CREBRF: variants seen among roughly 807,000 people sequenced by gnomAD.
CREBRF encodes the protein UPF0474 protein C5orf41.
A neutral mutation model predicts 66.1 loss-of-function variants in CREBRF; 5 were observed. That is an observed-to-expected ratio of 0.08 (90% CI 0.04 to 0.16). CREBRF has a LOEUF of 0.16. Among genes scored for constraint, CREBRF ranks in the 10% least tolerant of loss-of-function variants. CREBRF has a pLI of 1.00. For missense variants in CREBRF, 531 were observed against 744.9 expected (o/e 0.71, Z 3.34); for synonymous variants, 229 against 264.4 (o/e 0.87, Z 1.30).
rs1308981895 is a variant in CREBRF at position 173,136,214 on chromosome 5, T to C, written c.*2469T>C. The C allele has an allele frequency of 2.0e-5, 3 of 152,388 alleles. No individual in the cohort carries two copies. The highest frequency in any genetic ancestry group is 2.9e-5 in the Non-Finnish European group (2 of 67,892). The allele number at this position is 152,388 out of a possible 1,614,324, so 9.4% of individuals were successfully genotyped here. A position where few individuals can be genotyped will look rare whatever the true frequency, so the allele number is the denominator to read the frequency against. ...GTCTGCAAACCAGAATTTGATTTTT[T>C]GGTCTTGCATTTCAAAAAAAAAAAG... On this transcript the variant is annotated 3_prime_UTR_variant, in exon 9 of 9. Coordinates refer to ENST00000296953, the MANE Select transcript of CREBRF (RefSeq NM_153607.3).
intron 4 of CREBRF, among the ~76,000 whole-genome samples, chr5:173,103,234 C>T (rs1488023751): frequency 6.6e-6 from 1 of 152,210 alleles, no homozygotes; most frequent in Non-Finnish European, 1.5e-5. Context: ...GCATTTAATT[C>T]ATTCACTTTC....
At chr5:173,060,391 C>G (rs916367418) in intron 1 of CREBRF, 1 of 151,948 alleles carries the variant, frequency 6.6e-6, no homozygotes, top group Non-Finnish European at 1.5e-5. Flanking sequence ...CCGCTATGCT[C>G]AGCTAATTTT....
At chr5:173,084,204 G>A (rs751784040) in intron 2 of CREBRF, among the ~76,000 whole-genome samples, 1 of 152,078 alleles carries the variant, frequency 6.6e-6, no homozygotes, top group Non-Finnish European at 1.5e-5. Flanking sequence ...TTCTAAACTA[G>A]ATCTAGGAAG....
intron 4 of CREBRF, among the ~76,000 whole-genome samples, chr5:173,097,534 C>T (rs72816124): frequency 0.093 from 14,196 of 152,128 alleles, 788 homozygotes; most frequent in South Asian, 0.16. Context: ...TGTGAGCCCT[C>T]GTGCCTGGCC....
At chr5:173,116,994 C>A (rs1024043686) in intron 7 of CREBRF, among the ~76,000 whole-genome samples, 2 of 152,100 alleles carry the variant, frequency 1.3e-5, no homozygotes, top group South Asian at 4.2e-4. Context: ...GAGCCTCTTT[C>A]CTGTGCTTAT....
chr5:173,103,006 T>C (rs1488651427), intron 4 of CREBRF, among the ~76,000 whole-genome samples: 2 of 152,178 alleles, frequency 1.3e-5, no homozygotes, highest in South Asian at 2.1e-4. Context: ...ACATGGTTAA[T>C]TGATCGCCAT....
At chr5:173,061,993 T>A (rs1411059085) in intron 1 of CREBRF, among the ~76,000 whole-genome samples, 2 of 152,224 alleles carry the variant, frequency 1.3e-5, no homozygotes, top group East Asian at 1.9e-4. Flanking sequence ...GAGAAACATG[T>A]GGCCTGCAAT....
At chr5:173,102,550 C>T (rs1307958734) in intron 4 of CREBRF, among the ~76,000 whole-genome samples, 1 of 152,114 alleles carries the variant, frequency 6.6e-6, no homozygotes, top group Non-Finnish European at 1.5e-5. Context: ...GGAAGCAGGC[C>T]TGGAGCCTGG....
intron 8 of CREBRF, among the ~76,000 whole-genome samples, chr5:173,128,205 A>C (rs1446511249): frequency 6.6e-6 from 1 of 152,090 alleles, no homozygotes; most frequent in African/African-American, 2.4e-5. Flanking sequence ...TTGAAATTTT[A>C]GGTTTGATTT....
intron 8 of CREBRF, among the ~76,000 whole-genome samples, chr5:173,128,905 G>T (rs548829547): frequency 7.1e-6 from 1 of 141,840 alleles, no homozygotes; most frequent in Admixed American, 7.1e-5. Flanking sequence ...CTCAGCCGCC[G>T]GAGTAGCTGG....
At chr5:173,091,436 T>G in intron 4 of CREBRF, 35 bp downstream of exon 4, 1 of 1,582,634 alleles carries the variant, frequency 6.3e-7, no homozygotes, top group Non-Finnish European at 8.6e-7. Flanking sequence ...CAGACTGACC[T>G]TTGTATTACT....
chr5:173,074,915 C>T (rs1317538850), intron 1 of CREBRF, among the ~76,000 whole-genome samples: 1 of 152,142 alleles, frequency 6.6e-6, no homozygotes, highest in Non-Finnish European at 1.5e-5. Context: ...GCCACCGTGC[C>T]TGGCCACCTC....
intron 7 of CREBRF, among the ~76,000 whole-genome samples, chr5:173,116,188 G>T (rs1309937479): frequency 6.6e-6 from 1 of 152,200 alleles, no homozygotes; most frequent in African/African-American, 2.4e-5. Context: ...ATTTCAGACT[G>T]TAGGAATCCT....
At chr5:173,059,327 A>G (rs1581650554) in intron 1 of CREBRF, among the ~76,000 whole-genome samples, 1 of 134,678 alleles carries the variant, frequency 7.4e-6, no homozygotes, top group Non-Finnish European at 1.6e-5. Flanking sequence ...TGCAGTGGGA[A>G]GATCTCGGCT....
At chr5:173,112,045 T>C (rs117700213) in intron 6 of CREBRF, among the ~76,000 whole-genome samples, 1 of 152,352 alleles carries the variant, frequency 6.6e-6, no homozygotes, top group East Asian at 1.9e-4. Context: ...CTCAGTTATT[T>C]GTTAAATGTC....
At position 173,088,255 on chromosome 5, in the gene CREBRF, C is replaced by CT. The variant is rs536962764; in HGVS notation, c.135+1658dup. Among the ~76,000 whole-genome samples, 391 of 66,864 alleles carry CT rather than the reference C, an allele frequency of 5.8e-3. 31 individuals carry two copies. The highest frequency in any genetic ancestry group is 0.022 in the East Asian group (42 of 1,934). 43.9% of individuals were successfully genotyped at this position (66,864 alleles called of 152,430 possible). A position where few individuals can be genotyped will look rare whatever the true frequency, so the allele number is the denominator to read the frequency against. ...CCAATATTGCTTCATCAAATACATT[C>CT]TTTTTTTTTTTTTTTTTTTTTTTTT... On this transcript the variant is annotated intron_variant, in intron 3 of 8. Coordinates refer to ENST00000296953, the MANE Select transcript of CREBRF (RefSeq NM_153607.3).
rs984123204 is a variant in CREBRF, at chr5:173,115,808, C to T, written c.1681+3429C>T. Among the ~76,000 whole-genome samples, 13 of 151,950 alleles carry T rather than the reference C, an allele frequency of 8.6e-5. No individual in the cohort carries two copies. The East Asian group carries it at 2.5e-3, about 30-fold the overall frequency. The stretch of plus-strand genomic sequence containing the variant: ...TGTATTTTTAGTAGAGATGGTGTTT[C>T]ACCGTATTAGCCAGGATGGTCTTGA... On this transcript the variant is annotated intron_variant, in intron 7 of 8. Transcript: ENST00000296953.
chr5:173,100,086 G>GTA (rs202116379), intron 4 of CREBRF, among the ~76,000 whole-genome samples: 23,424 of 108,926 alleles, frequency 0.22, 4,185 homozygotes, highest in Non-Finnish European at 0.27. Context: ...TTTTGTGTGT[G>GTA]TGTGTGTGTG....
chr5:173,097,883 T>C (rs985791982), intron 4 of CREBRF, among the ~76,000 whole-genome samples: 1 of 152,160 alleles, frequency 6.6e-6, no homozygotes, highest in Non-Finnish European at 1.5e-5. Flanking sequence ...TTATTTCTGC[T>C]CTGATCTTTG....
Sources: gnomAD v4.1 joint callset for allele counts (sites outside exome capture counted in the v4.1 genomes callset) on GRCh38, gnomAD v4.1.1 for gene constraint, MANE v1.5 for transcripts, NCBI Gene and HGNC (gene_info 2026-07-23, HGNC 2026-07-21) for gene names.